The following PLXNA1 variants were observed in gnomAD, a reference collection of about 807,000 sequenced individuals.
PLXNA1 encodes plexin-A1.
Under a neutral mutation model 191.7 loss-of-function variants are expected in PLXNA1, and 77 were observed. The observed-to-expected ratio is 0.40, with a 90% CI of 0.33 to 0.49. PLXNA1 has a LOEUF of 0.49. Among genes scored for constraint, PLXNA1 ranks in the 20% least tolerant of loss-of-function variants. PLXNA1 has a pLI of 0.63. For synonymous variants in PLXNA1, 1,137 were observed against 1,156.4 expected (o/e 0.98, Z 0.34); for missense variants, 2,110 against 2,660.2 (o/e 0.79, Z 4.55).
intron 15 of PLXNA1, 35 bp downstream of exon 15, chr3:127,015,355 C>T (rs1243103625): frequency 1.9e-6 from 3 of 1,581,866 alleles, no homozygotes; most frequent in Admixed American, 1.7e-5. Flanking sequence ...GGCCTGGCTG[C>T]CCCTCCTCCT....
chr3:127,003,188 G>GTA, intron 3 of PLXNA1, 142 bp from the exon 4 acceptor site: 1 of 901,456 alleles, frequency 1.1e-6, no homozygotes, highest in Middle Eastern at 3.6e-4. Flanking sequence ...TGGAGAGTGA[G>GTA]TATGGCTGGC....
chr3:127,022,452 G>A, intron 22 of PLXNA1, 111 bp downstream of exon 22: 1 of 1,396,912 alleles, frequency 7.2e-7, no homozygotes, highest in Non-Finnish European at 9.7e-7. Flanking sequence ...ACCGGGCAGG[G>A]GTGGGAGGAC....
intron 23 of PLXNA1, chr3:127,027,301 G>A (rs1576690320): frequency 3.7e-6 from 1 of 271,254 alleles, no homozygotes; most frequent in East Asian, 1.0e-4. Flanking sequence ...CTGAGGGCCC[G>A]GGGCTGTGCT....
At chr3:127,013,288 C>T (rs974547660) in intron 10 of PLXNA1, among the ~76,000 whole-genome samples, 1 of 141,486 alleles carries the variant, frequency 7.1e-6, no homozygotes, top group Admixed American at 6.9e-5. Context: ...CCACATTAAT[C>T]TTCCCTTCAG....
chr3:126,996,125 T>G (rs956987264), intron 3 of PLXNA1, among the ~76,000 whole-genome samples: 1 of 152,132 alleles, frequency 6.6e-6, no homozygotes, highest in African/African-American at 2.4e-5. Flanking sequence ...GTCTCTGAAG[T>G]GCTTAGGAGG....
At chr3:127,015,715 T>C (rs1482223015) in intron 15 of PLXNA1, among the ~76,000 whole-genome samples, 1 of 152,230 alleles carries the variant, frequency 6.6e-6, no homozygotes, top group Non-Finnish European at 1.5e-5. Flanking sequence ...TCCCTTTAAA[T>C]ATTTTCCTAT....
chr3:126,990,801 G>A (rs1340514528), intron 2 of PLXNA1, among the ~76,000 whole-genome samples: 2 of 152,210 alleles, frequency 1.3e-5, no homozygotes, highest in Non-Finnish European at 2.9e-5. Flanking sequence ...TTCAAGGAAC[G>A]TGTTTTCTCT....
chr3:127,023,230 C>T (rs912288102), intron 23 of PLXNA1, among the ~76,000 whole-genome samples: 1 of 152,212 alleles, frequency 6.6e-6, no homozygotes, highest in Non-Finnish European at 1.5e-5. Flanking sequence ...TCCATTCAAG[C>T]CCCTCCCACC....
intron 23 of PLXNA1, among the ~76,000 whole-genome samples, chr3:127,023,379 G>A (rs1004090456): frequency 6.6e-6 from 1 of 152,336 alleles, no homozygotes; most frequent in Middle Eastern, 3.4e-3. Context: ...CTGCACTTTC[G>A]ATGTTGGGAC....
In PLXNA1 at chr3:126,988,530, T is replaced by A. The variant is rs2078972128; in HGVS notation, c.-64T>A. On this transcript the variant is annotated 5_prime_UTR_variant, in exon 2 of 32. Coordinates refer to ENST00000393409, the MANE Select transcript of PLXNA1 (RefSeq NM_032242.4). Reference sequence around the variant, plus strand: ...TCTGCCCCTTCCCCAGGGCTGAAGCTCCTGGCACCATGATGCTCACCCCAG... The same window carrying A: ...TCTGCCCCTTCCCCAGGGCTGAAGCACCTGGCACCATGATGCTCACCCCAG... 1 of 1,376,018 alleles carries A rather than the reference T, an allele frequency of 7.3e-7. No individual in the cohort carries two copies. Among genetic ancestry groups the A allele is most frequent in the Admixed American group, 2.8e-5 (1 of 35,276 alleles). The allele number at this position is 1,376,018 out of a possible 1,614,324, so 85.2% of individuals were successfully genotyped here. A position where few individuals can be genotyped will look rare whatever the true frequency, so the allele number is the denominator to read the frequency against.
Position 127,034,130 on chromosome 3 carries a change from G to A in PLXNA1, c.*113G>A, listed in dbSNP as rs930656976. On this transcript the variant is annotated 3_prime_UTR_variant, in exon 32 of 32. Transcript: ENST00000393409. Reference sequence around the variant, plus strand: ...CCGGTGGTGCTCGGGCCGCCGCAGTGCAGCGACTGCCCGGCCCTCCCTCCC... The same window carrying A: ...CCGGTGGTGCTCGGGCCGCCGCAGTACAGCGACTGCCCGGCCCTCCCTCCC... The A allele has an allele frequency of 2.7e-5, 26 of 950,544 alleles. No homozygotes were observed. The highest frequency in any genetic ancestry group is 4.9e-5 in the African/African-American group (3 of 61,162). 58.9% of individuals were successfully genotyped at this position (950,544 alleles called of 1,614,324 possible).
At chr3:126,984,448 TGAG>T (rs1173709558) in intron 1 of PLXNA1, among the ~76,000 whole-genome samples, 4 of 152,292 alleles carry the variant, frequency 2.6e-5, no homozygotes, top group Non-Finnish European at 2.9e-5. Context: ...CCCGGGCCCT[TGAG>T]GAGCTTGCCT....
rs573305530 is a variant in PLXNA1, at chr3:127,001,600, T to G, written c.1378-1730T>G. Among the ~76,000 whole-genome samples, 20 of 152,286 alleles carry G rather than the reference T, an allele frequency of 1.3e-4. 1 individual carries two copies. In the South Asian group the frequency reaches 3.7e-3, roughly 28 times the overall value. On this transcript the variant is annotated intron_variant, in intron 3 of 31. Transcript: ENST00000393409. ...GGGTCTTCCAGGTTGGAGCCGCAGG[T>G]CTGCGCACTGGGCATACCTGCCCCA...
intron 20 of PLXNA1, 59 bp downstream of exon 20, chr3:127,018,587 G>T: frequency 1.5e-6 from 2 of 1,352,208 alleles, no homozygotes; most frequent in Non-Finnish European, 2.1e-6. Flanking sequence ...GCCCTGGCCT[G>T]TCCCCACACC....
At chr3:126,993,825 AC>A (rs1171281264) in intron 3 of PLXNA1, among the ~76,000 whole-genome samples, 1 of 152,162 alleles carries the variant, frequency 6.6e-6, no homozygotes, top group Non-Finnish European at 1.5e-5. Context: ...TTGGTGAAGA[AC>A]CTGCCGCCTG....
intron 9 of PLXNA1, 68 bp downstream of exon 9, chr3:127,007,981 C>A: frequency 9.4e-7 from 1 of 1,064,036 alleles, no homozygotes; most frequent in Non-Finnish European, 1.4e-6. Context: ...GACATCCCAT[C>A]TGGGTGTCGC....
intron 17 of PLXNA1, among the ~76,000 whole-genome samples, 185 bp from the exon 18 acceptor site, chr3:127,017,240 A>G (rs554481194): frequency 9.8e-4 from 149 of 152,278 alleles, no homozygotes; most frequent in Non-Finnish European, 1.7e-3. Context: ...TGCTGGCTGC[A>G]CACACCTCTC....
intron 23 of PLXNA1, among the ~76,000 whole-genome samples, chr3:127,025,266 T>C (rs1425037753): frequency 6.6e-6 from 1 of 152,222 alleles, no homozygotes; most frequent in Non-Finnish European, 1.5e-5. Context: ...GTTGATCTCA[T>C]TGTCTCCATA....
chr3:127,018,815 T>C (rs566454929), intron 20 of PLXNA1, among the ~76,000 whole-genome samples: 4 of 152,354 alleles, frequency 2.6e-5, no homozygotes, highest in Admixed American at 1.3e-4. Context: ...TGAAGGTGGC[T>C]ACTTACCCTT....
Sources: allele counts gnomAD v4.1 joint callset (sites outside exome capture counted in the v4.1 genomes callset), GRCh38; gene constraint gnomAD v4.1.1; transcripts MANE v1.5; gene names NCBI Gene and HGNC (gene_info 2026-07-23, HGNC 2026-07-21).